The following VPS13B variants were observed in gnomAD, a reference collection of about 807,000 sequenced individuals.
VPS13B encodes the protein intermembrane lipid transfer protein VPS13B.
A neutral mutation model predicts 426.4 loss-of-function variants in VPS13B; 285 were observed. That is an observed-to-expected ratio of 0.67 (90% CI 0.61 to 0.74). The LOEUF is 0.74. Ranked by LOEUF, VPS13B falls within the 30% of genes least tolerant of loss-of-function variation. VPS13B has a pLI of 0.00. For synonymous variants in VPS13B, 1,676 were observed against 1,676.4 expected (o/e 1.00, Z 0.01); for missense variants, 4,537 against 4,782.6 (o/e 0.95, Z 1.51).
At chr8:99,540,315 A>G (rs1042318669) in intron 30 of VPS13B, among the ~76,000 whole-genome samples, 2 of 151,168 alleles carry the variant, frequency 1.3e-5, no homozygotes, top group African/African-American at 2.4e-5. Flanking sequence ...TCCTGACCTC[A>G]TGATCCACCC....
chr8:99,519,139 G>T (rs890501962), intron 29 of VPS13B, among the ~76,000 whole-genome samples: 1 of 152,154 alleles, frequency 6.6e-6, no homozygotes, highest in Non-Finnish European at 1.5e-5. Flanking sequence ...CTTTTGAGAA[G>T]TGTCTGTTCA....
intron 28 of VPS13B, 80 bp downstream of exon 28, chr8:99,507,283 T>C: frequency 7.0e-7 from 1 of 1,419,510 alleles, no homozygotes. Flanking sequence ...ATAGGACTAA[T>C]GGTTACAAGA....
chr8:99,060,681 C>T (rs1844136455), intron 3 of VPS13B, among the ~76,000 whole-genome samples: 1 of 151,914 alleles, frequency 6.6e-6, no homozygotes, highest in Non-Finnish European at 1.5e-5. Flanking sequence ...AAATTTATGG[C>T]ATATGAAAAT....
At chr8:99,470,409 C>G (rs866742308) in intron 24 of VPS13B, among the ~76,000 whole-genome samples, 6 of 151,690 alleles carry the variant, frequency 4.0e-5, no homozygotes, top group Middle Eastern at 3.2e-3. Flanking sequence ...GGAAAGCATA[C>G]TAAATGAAAA....
intron 34 of VPS13B, among the ~76,000 whole-genome samples, chr8:99,655,423 C>T (rs1183786704): frequency 6.6e-6 from 1 of 152,142 alleles, no homozygotes; most frequent in Non-Finnish European, 1.5e-5. Context: ...CTTTATTCTC[C>T]CTTCTCTTCT....
chr8:99,821,498 A>C lies in VPS13B; in HGVS notation c.9183+16A>C, dbSNP rs200565849. On this transcript the variant is annotated intron_variant, in intron 50 of 61. Coordinates refer to ENST00000357162, the MANE Select transcript of VPS13B (RefSeq NM_152564.5). ...ACATCAGAAGGTAAGATCAAAGTCTATGTGGCTGGGAGGAAATAGCATGCC... is the reference window on the plus strand; with the variant it reads ...ACATCAGAAGGTAAGATCAAAGTCTCTGTGGCTGGGAGGAAATAGCATGCC... 1.2e-6 allele frequency: 2 copies of C among 1,613,528 alleles called. No individual in the cohort carries two copies. The highest frequency in any genetic ancestry group is 1.7e-6 in the Non-Finnish European group (2 of 1,179,544).
intron 58 of VPS13B, among the ~76,000 whole-genome samples, chr8:99,864,549 G>A (rs2130950305): frequency 6.6e-6 from 1 of 152,242 alleles, no homozygotes; most frequent in South Asian, 2.1e-4. Flanking sequence ...GTGAGACCTT[G>A]TCTCAAAATA....
intron 19 of VPS13B, among the ~76,000 whole-genome samples, chr8:99,370,068 C>T (rs1813095558): frequency 6.6e-6 from 1 of 152,104 alleles, no homozygotes; most frequent in African/African-American, 2.4e-5. Context: ...TTTGTAATAA[C>T]TGCTTGGAAA....
chr8:99,501,826 T>G lies in VPS13B; in HGVS notation c.4010T>G (p.Leu1337Arg). The G allele has an allele frequency of 6.2e-7, 1 of 1,614,022 alleles. No homozygotes were observed. The highest frequency in any genetic ancestry group is 8.5e-7 in the Non-Finnish European group (1 of 1,180,002). Residue 1337 changes from leucine (L) to arginine (R), a missense_variant, in exon 26 of 62, where the codon CTC becomes CGC. Coordinates refer to ENST00000357162, the MANE Select transcript of VPS13B (RefSeq NM_152564.5). ...GTGCTTCCCAAAATTACTATAAAGC[T>G]CTTTGCTCCAGATCCTGAAAATAAA... Reference protein sequence around the residue: ...QWVLPKITIKLFAPDPENKGT... With the variant: ...QWVLPKITIKRFAPDPENKGT...
At chr8:99,180,477 A>G (rs1423883780) in intron 16 of VPS13B, among the ~76,000 whole-genome samples, 2 of 152,198 alleles carry the variant, frequency 1.3e-5, no homozygotes, top group Admixed American at 6.5e-5. Flanking sequence ...TAAGACAAAT[A>G]CATGCATTTC....
At chr8:99,090,542 G>T (rs961579874) in intron 3 of VPS13B, among the ~76,000 whole-genome samples, 103 of 152,206 alleles carry the variant, frequency 6.8e-4, no homozygotes, top group African/African-American at 2.4e-3. Context: ...GGGATTATAG[G>T]TGTGAGCCAC....
chr8:99,695,933 G>A (rs1184532909), intron 35 of VPS13B: 1 of 152,104 alleles, frequency 6.6e-6, no homozygotes, highest in Non-Finnish European at 1.5e-5. Flanking sequence ...AGAACTTCTG[G>A]GTAGTCCACC....
At chr8:99,135,237 C>A in intron 10 of VPS13B, 100 bp downstream of exon 10, 1 of 1,491,996 alleles carries the variant, frequency 6.7e-7, no homozygotes, top group Non-Finnish European at 9.2e-7. Context: ...CTATATATAT[C>A]TCAGGCTTGA....
intron 21 of VPS13B, among the ~76,000 whole-genome samples, 182 bp downstream of exon 21, chr8:99,391,886 T>C (rs1006477390): frequency 6.6e-6 from 1 of 152,206 alleles, no homozygotes; most frequent in Non-Finnish European, 1.5e-5. Context: ...GTTAGTGCCC[T>C]GAGCCCAGTT....
intron 19 of VPS13B, among the ~76,000 whole-genome samples, chr8:99,342,526 G>A (rs1341582541): frequency 7.9e-5 from 12 of 151,700 alleles, no homozygotes; most frequent in Admixed American, 7.3e-4. Flanking sequence ...ATTTCACTTA[G>A]TATAATGTCC....
intron 55 of VPS13B, among the ~76,000 whole-genome samples, chr8:99,852,742 A>G (rs1193424312): frequency 6.6e-6 from 1 of 152,196 alleles, no homozygotes; most frequent in Non-Finnish European, 1.5e-5. Flanking sequence ...TATAGAACAC[A>G]CTTTAGAGTT....
At chr8:99,851,319 C>G (rs1457792674) in intron 55 of VPS13B, among the ~76,000 whole-genome samples, 1 of 152,212 alleles carries the variant, frequency 6.6e-6, no homozygotes, top group East Asian at 1.9e-4. Context: ...AATAAAAAGG[C>G]CCAATCCCTT....
chr8:99,202,861 C>T (rs1814422996), intron 17 of VPS13B, among the ~76,000 whole-genome samples: 1 of 151,430 alleles, frequency 6.6e-6, no homozygotes, highest in Non-Finnish European at 1.5e-5. Flanking sequence ...AACCCTGTCT[C>T]TACTAAAAAA....
intron 17 of VPS13B, among the ~76,000 whole-genome samples, chr8:99,212,709 A>T (rs1815161354): frequency 6.6e-6 from 1 of 152,104 alleles, no homozygotes; most frequent in African/African-American, 2.4e-5. Flanking sequence ...TCCATCATGA[A>T]GAATCTTAAG....
Sources: gnomAD v4.1 joint callset for allele counts (sites outside exome capture counted in the v4.1 genomes callset) on GRCh38, gnomAD v4.1.1 for gene constraint, MANE v1.5 for transcripts, NCBI Gene and HGNC (gene_info 2026-07-23, HGNC 2026-07-21) for gene names.